Variants in TG observed in about 807,000 individuals in gnomAD.
The protein encoded by TG is thyroglobulin, also known as thyroid hormones.
Under a neutral mutation model 324.7 loss-of-function variants are expected in TG, and 270 were observed. That is an observed-to-expected ratio of 0.83 (90% confidence interval 0.75 to 0.92). TG has a LOEUF of 0.92. Among genes scored for constraint, TG ranks in the 40% least tolerant of loss-of-function variants. TG has a pLI of 0.00. For synonymous variants in TG, 1,401 were observed against 1,327.0 expected (o/e 1.06, Z -1.21); for missense variants, 3,591 against 3,456.4 (o/e 1.04, Z -0.98).
intron 24 of TG, 130 bp from the exon 25 acceptor site, chr8:132,935,626 C>T: frequency 2.6e-6 from 2 of 780,150 alleles, no homozygotes; most frequent in Non-Finnish European, 4.4e-6. Flanking sequence ...CTGTCTCCTC[C>T]AATAGACCAG....
intron 45 of TG, among the ~76,000 whole-genome samples, chr8:133,123,370 C>T (rs1471949740): frequency 2.6e-5 from 4 of 152,042 alleles, no homozygotes; most frequent in Admixed American, 2.0e-4. Flanking sequence ...GGAAGGCCAA[C>T]AGGCCTTCAG....
chr8:133,042,461 T>TAA (rs1377019172), intron 41 of TG, among the ~76,000 whole-genome samples: 2 of 152,148 alleles, frequency 1.3e-5, no homozygotes, highest in Admixed American at 6.5e-5. Flanking sequence ...ATGGTATACT[T>TAA]TAGGTGCCAC....
chr8:132,922,877 T>G (rs978900411), intron 21 of TG, among the ~76,000 whole-genome samples: 2 of 152,182 alleles, frequency 1.3e-5, no homozygotes, highest in African/African-American at 2.4e-5. Flanking sequence ...ACCGTCACAC[T>G]GGGCACTGGG....
At chr8:133,030,164 T>C in intron 41 of TG, 141 bp downstream of exon 41, 1 of 1,076,932 alleles carries the variant, frequency 9.3e-7, no homozygotes, top group East Asian at 2.5e-5. Context: ...CTGCTTGGAG[T>C]TTTCCATGTA....
intron 43 of TG, among the ~76,000 whole-genome samples, chr8:133,111,603 G>T (rs1021057869): frequency 6.6e-6 from 1 of 152,208 alleles, no homozygotes; most frequent in African/African-American, 2.4e-5. Flanking sequence ...GGGTAGAATA[G>T]AATGGAAACT....
chr8:133,123,600 C>G lies in TG; in HGVS notation c.7862+6884C>G, dbSNP rs541824092. ...GGTGATGTCCTCCTCTCTAAACAGC[C>G]CCTTTCAAAGGACACACTGGCCTTT... On this transcript the variant is annotated intron_variant, in intron 45 of 47. Coordinates refer to ENST00000220616, the MANE Select transcript of TG (RefSeq NM_003235.5). Among the ~76,000 whole-genome samples the G allele has an allele frequency of 8.5e-5, 13 of 152,288 alleles. No individual in the cohort carries two copies. In the East Asian group the frequency reaches 2.5e-3, roughly 29 times the overall value.
intron 45 of TG, among the ~76,000 whole-genome samples, chr8:133,118,929 A>G (rs1005244925): frequency 6.6e-6 from 1 of 152,194 alleles, no homozygotes; most frequent in Non-Finnish European, 1.5e-5. Context: ...GTATCCTTAT[A>G]GATGAGAGCC....
chr8:132,892,851 ATG>A (rs935003223), intron 10 of TG, among the ~76,000 whole-genome samples: 1 of 115,996 alleles, frequency 8.6e-6, no homozygotes, highest in African/African-American at 3.4e-5. Flanking sequence ...GGTGTGGTGT[ATG>A]TGTGTGTGGT....
intron 41 of TG, among the ~76,000 whole-genome samples, chr8:133,079,503 G>C (rs1216914347): frequency 2.0e-5 from 3 of 152,010 alleles, no homozygotes; most frequent in African/African-American, 7.2e-5. Context: ...CCCAGGGGAA[G>C]CAATAAAAAG....
intron 21 of TG, 63 bp downstream of exon 21, chr8:132,919,588 T>A (rs573830335): frequency 6.2e-7 from 1 of 1,600,542 alleles, no homozygotes; most frequent in South Asian, 1.1e-5. Flanking sequence ...CTCAACAGGG[T>A]TTCCCAATCT....
intron 41 of TG, chr8:133,072,804 G>A (rs1020516889): frequency 2.6e-5 from 4 of 151,962 alleles, no homozygotes; most frequent in Admixed American, 6.6e-5. Flanking sequence ...TTCGGAAAGC[G>A]ACTTTAGTTT....
chr8:133,071,492 C>T (rs559819700), intron 41 of TG, among the ~76,000 whole-genome samples: 5 of 152,268 alleles, frequency 3.3e-5, no homozygotes, highest in African/African-American at 1.2e-4. Context: ...TTATGCTTGT[C>T]ATAGTTATTC....
chr8:133,025,498 C>A (rs1486115253), intron 40 of TG, among the ~76,000 whole-genome samples: 1 of 152,202 alleles, frequency 6.6e-6, no homozygotes, highest in African/African-American at 2.4e-5. Context: ...TCTCCCCCTC[C>A]TTCTTGCCCT....
intron 5 of TG, among the ~76,000 whole-genome samples, chr8:132,876,517 C>T (rs1401905714): frequency 6.6e-6 from 1 of 152,160 alleles, no homozygotes; most frequent in Non-Finnish European, 1.5e-5. Context: ...GTGGGCAGCT[C>T]ATTCGCTGAC....
At chr8:133,117,374 G>T (rs1850783787) in intron 45 of TG, among the ~76,000 whole-genome samples, 1 of 152,212 alleles carries the variant, frequency 6.6e-6, no homozygotes, top group South Asian at 2.1e-4. Context: ...GAGTGACAGG[G>T]ACGCACGTGA....
At chr8:133,080,935 G>A (rs1845650503) in intron 41 of TG, among the ~76,000 whole-genome samples, 1 of 152,198 alleles carries the variant, frequency 6.6e-6, no homozygotes, top group Non-Finnish European at 1.5e-5. Context: ...CTCTCAGAAG[G>A]CCACTTGGTG....
chr8:132,950,976 G>A (rs543973892), intron 27 of TG, among the ~76,000 whole-genome samples: 31 of 152,282 alleles, frequency 2.0e-4, no homozygotes, highest in Admixed American at 1.0e-3. Context: ...GCACATAGCA[G>A]TTAGGGGACT....
chr8:133,052,472 G>T (rs1291489612), intron 41 of TG, among the ~76,000 whole-genome samples: 1 of 152,164 alleles, frequency 6.6e-6, no homozygotes, highest in Non-Finnish European at 1.5e-5. Context: ...GGACGTAAAA[G>T]GGCTGGCCCA....
rs962234573 is a variant in TG, at chr8:132,985,650, C to G, written c.6262+2238C>G. On this transcript the variant is annotated intron_variant, in intron 35 of 47. Coordinates refer to ENST00000220616, the MANE Select transcript of TG (RefSeq NM_003235.5). ...CTGTTACAATTGTCAAGATTTTCAGCTATCCTGCTGTCACACACAATCCCT... is the reference window on the plus strand; with the variant it reads ...CTGTTACAATTGTCAAGATTTTCAGGTATCCTGCTGTCACACACAATCCCT... Among the ~76,000 whole-genome samples, 15 of 152,316 alleles carry G rather than the reference C, an allele frequency of 9.8e-5. No homozygotes were observed. In the Middle Eastern group the frequency reaches 0.01, roughly 104 times the overall value.
Sources: gnomAD v4.1 joint callset for allele counts (sites outside exome capture counted in the v4.1 genomes callset) on GRCh38, gnomAD v4.1.1 for gene constraint, MANE v1.5 for transcripts, NCBI Gene and HGNC (gene_info 2026-07-23, HGNC 2026-07-21) for gene names.